SEMA3A: variants seen among roughly 807,000 people sequenced by gnomAD.
SEMA3A encodes semaphorin 3A, also known as semaphorin-3A.
A neutral mutation model predicts 97.9 loss-of-function variants in SEMA3A; 29 were observed. The ratio of observed to expected loss-of-function variants is 0.30; its 90% confidence interval spans 0.22 to 0.40. The LOEUF is 0.40. Ranked by LOEUF, SEMA3A falls within the 10% of genes least tolerant of loss-of-function variation. The pLI is 1.00. For synonymous variants in SEMA3A, 321 were observed against 323.7 expected, an observed-to-expected ratio of 0.99 and a Z score of 0.09; for missense variants, 763 against 951.3, an observed-to-expected ratio of 0.80 and a Z score of 2.60.
At chr7:84,428,085 T>C (rs1804875171) in intron 1 of SEMA3A, among the ~76,000 whole-genome samples, 1 of 152,118 alleles carries the variant, frequency 6.6e-6, no homozygotes, top group African/African-American at 2.4e-5. Flanking sequence ...AACTCAATAA[T>C]GACAATATTT....
chr7:84,277,464 C>T (rs1208799021), intron 3 of SEMA3A, among the ~76,000 whole-genome samples: 3 of 152,082 alleles, frequency 2.0e-5, no homozygotes, highest in African/African-American at 7.2e-5. Flanking sequence ...TTGCTACATA[C>T]TTTCGACGGA....
chr7:84,217,000 A>C (rs1798768576), intron 3 of SEMA3A, among the ~76,000 whole-genome samples: 1 of 152,212 alleles, frequency 6.6e-6, no homozygotes, highest in Non-Finnish European at 1.5e-5. Context: ...ATTCATGTTA[A>C]TTGTGCCAAA....
At chr7:84,230,260 T>C (rs1799089091) in intron 3 of SEMA3A, among the ~76,000 whole-genome samples, 1 of 152,120 alleles carries the variant, frequency 6.6e-6, no homozygotes, top group Middle Eastern at 3.4e-3. Flanking sequence ...CCCTGCTCTT[T>C]TTTCTTTTCA....
At chr7:84,169,493 A>G (rs1333681647) in intron 1 of SEMA3A, among the ~76,000 whole-genome samples, 2 of 149,534 alleles carry the variant, frequency 1.3e-5, no homozygotes, top group African/African-American at 4.9e-5. Context: ...GGATTTTTAA[A>G]TTAATTACAA....
At chr7:84,209,652 A>G (rs1457729762) in intron 3 of SEMA3A, among the ~76,000 whole-genome samples, 1 of 152,214 alleles carries the variant, frequency 6.6e-6, no homozygotes, top group Non-Finnish European at 1.5e-5. Context: ...GGTTAGGAGT[A>G]AGAATTTAAT....
intron 3 of SEMA3A, among the ~76,000 whole-genome samples, chr7:84,204,265 G>A (rs1798432814): frequency 6.6e-6 from 1 of 152,010 alleles, no homozygotes; most frequent in South Asian, 2.1e-4. Flanking sequence ...CAGAACATCT[G>A]GATTTAAGTC....
chr7:84,410,771 T>G (rs756238670), intron 1 of SEMA3A, among the ~76,000 whole-genome samples: 4 of 152,126 alleles, frequency 2.6e-5, no homozygotes. Context: ...GTCAAATTGC[T>G]TGGGGGAGCA....
At chr7:84,474,197 C>G (rs1260380937) in intron 1 of SEMA3A, among the ~76,000 whole-genome samples, 1 of 152,156 alleles carries the variant, frequency 6.6e-6, no homozygotes, top group Non-Finnish European at 1.5e-5. Flanking sequence ...AGAAAACAGT[C>G]TATTATTTTA....
At chr7:83,961,915 A>T in intron 16 of SEMA3A, 89 bp from the exon 17 acceptor site, 1 of 977,468 alleles carries the variant, frequency 1.0e-6, no homozygotes, top group Non-Finnish European at 1.5e-6. Context: ...ACTTTAGATT[A>T]TGTGTTGAGG....
At chr7:84,310,474 T>A (rs1181960629) in intron 2 of SEMA3A, among the ~76,000 whole-genome samples, 1 of 152,064 alleles carries the variant, frequency 6.6e-6, no homozygotes. Flanking sequence ...TTTTCACTTG[T>A]TCTAAAATGA....
intron 3 of SEMA3A, among the ~76,000 whole-genome samples, chr7:84,262,785 C>T (rs1799890765): frequency 6.6e-6 from 1 of 152,092 alleles, no homozygotes; most frequent in Admixed American, 6.5e-5. Context: ...TTGGCAAATA[C>T]CTAAAAACAT....
intron 1 of SEMA3A, among the ~76,000 whole-genome samples, chr7:84,403,435 A>C (rs1803965243): frequency 6.6e-6 from 1 of 152,234 alleles, no homozygotes; most frequent in Non-Finnish European, 1.5e-5. Flanking sequence ...CAGCTCAAGG[A>C]GGCCTGCTGC....
chr7:84,424,186 G>T (rs1265426818), intron 1 of SEMA3A, among the ~76,000 whole-genome samples: 1 of 151,040 alleles, frequency 6.6e-6, no homozygotes, highest in Non-Finnish European at 1.5e-5. Flanking sequence ...AAAGACACCT[G>T]CACACGAATA....
chr7:84,238,863 T>C (rs12671964), intron 3 of SEMA3A, among the ~76,000 whole-genome samples: 52,407 of 151,868 alleles, frequency 0.35, 10,223 homozygotes, highest in Non-Finnish European at 0.46. Flanking sequence ...TACAGGAGCA[T>C]GCCATCACAC....
At chr7:84,062,519 C>T (rs1023080941) in intron 4 of SEMA3A, among the ~76,000 whole-genome samples, 1 of 152,212 alleles carries the variant, frequency 6.6e-6, no homozygotes, top group Non-Finnish European at 1.5e-5. Context: ...GGGTTCACCT[C>T]ACTACGGAGT....
At chr7:84,444,534 A>G (rs1250272589) in intron 1 of SEMA3A, among the ~76,000 whole-genome samples, 1 of 151,078 alleles carries the variant, frequency 6.6e-6, no homozygotes, top group Non-Finnish European at 1.5e-5. Flanking sequence ...AGTCTTGTAC[A>G]TGCTTACAGT....
intron 3 of SEMA3A, among the ~76,000 whole-genome samples, chr7:84,124,278 C>A (rs530118572): frequency 6.6e-6 from 1 of 152,300 alleles, no homozygotes; most frequent in East Asian, 1.9e-4. Context: ...TGTTTAAAGG[C>A]ACTTCATTTC....
chr7:84,201,723 C>T (rs1312603505), intron 3 of SEMA3A, among the ~76,000 whole-genome samples: 1 of 152,082 alleles, frequency 6.6e-6, no homozygotes, highest in Non-Finnish European at 1.5e-5. Context: ...AACATAAATT[C>T]ATTTTCCTTT....
At chr7:84,408,135 C>G (rs1036155923) in intron 1 of SEMA3A, among the ~76,000 whole-genome samples, 1 of 152,054 alleles carries the variant, frequency 6.6e-6, no homozygotes, top group African/African-American at 2.4e-5. Flanking sequence ...AATTTTGCAA[C>G]CTACTCATCT....
Sources: gnomAD v4.1 joint callset for allele counts (sites outside exome capture counted in the v4.1 genomes callset) on GRCh38, gnomAD v4.1.1 for gene constraint, MANE v1.5 for transcripts, NCBI Gene and HGNC (gene_info 2026-07-23, HGNC 2026-07-21) for gene names.